Variants in PRKN observed in about 807,000 individuals in gnomAD.
PRKN encodes the protein E3 ubiquitin-protein ligase parkin.
A neutral mutation model predicts 59.5 loss-of-function variants in PRKN; 56 were observed. The ratio of observed to expected loss-of-function variants is 0.94; its 90% confidence interval spans 0.76 to 1.18. The LOEUF (loss-of-function observed/expected upper bound fraction) is 1.18. PRKN is among the 50% of genes most tolerant of loss of function. The pLI, the probability that PRKN is intolerant of heterozygous loss-of-function variation, is 0.00. For synonymous variants in PRKN, 250 were observed against 222.1 expected (o/e 1.13, Z -1.12); for missense variants, 657 against 596.4 (o/e 1.10, Z -1.06).
At chr6:161,749,254 T>C (rs1329950606) in intron 7 of PRKN, among the ~76,000 whole-genome samples, 3 of 152,236 alleles carry the variant, frequency 2.0e-5, no homozygotes, top group African/African-American at 7.2e-5. Context: ...AGAAGCTGTG[T>C]CACATCTATC....
chr6:162,379,385 C>T (rs1786305206), intron 2 of PRKN, among the ~76,000 whole-genome samples: 1 of 152,126 alleles, frequency 6.6e-6, no homozygotes, highest in Non-Finnish European at 1.5e-5. Context: ...TTGTATTCAG[C>T]AGTTACATTT....
At chr6:161,690,857 G>T (rs539439149) in intron 7 of PRKN, among the ~76,000 whole-genome samples, 1 of 152,300 alleles carries the variant, frequency 6.6e-6, no homozygotes, top group East Asian at 1.9e-4. Context: ...CCAGCTTGCA[G>T]ATGGCAGATT....
chr6:161,971,041 G>A (rs927181450), intron 6 of PRKN, among the ~76,000 whole-genome samples: 22 of 152,234 alleles, frequency 1.4e-4, no homozygotes, highest in African/African-American at 3.1e-4. Context: ...TGCCTTACAC[G>A]AGAAGGGACC....
At chr6:162,308,907 A>G (rs1182791989) in intron 2 of PRKN, among the ~76,000 whole-genome samples, 1 of 152,092 alleles carries the variant, frequency 6.6e-6, no homozygotes, top group Non-Finnish European at 1.5e-5. Context: ...TTCCTAGCAT[A>G]GTTATTCAAC....
At position 161,545,574 on chromosome 6, in the gene PRKN, G is replaced by T; in HGVS notation, c.1083+3280C>A. 1 of 678,952 alleles carries T rather than the reference G, an allele frequency of 1.5e-6. No homozygotes were observed. The highest frequency in any genetic ancestry group is 2.7e-6 in the Non-Finnish European group (1 of 375,600). 42.1% of individuals were successfully genotyped at this position (678,952 alleles called of 1,614,324 possible). A position where few individuals can be genotyped will look rare whatever the true frequency, so the allele number is the denominator to read the frequency against. On this transcript the variant is annotated intron_variant, in intron 9 of 11. Transcript: ENST00000366898. The surrounding 1 kb of genome is among the most constrained non-coding windows in gnomAD (Gnocchi z 4.1). ...CTTTCCATTACACTCCTTAAACCCA[G>T]AAAAGATGGGCAGCTTACAAGGTTA...
At position 162,021,000 on chromosome 6, in the gene PRKN, G is replaced by T. The variant is rs1244677332; in HGVS notation, c.618+33091C>A. On this transcript the variant is annotated intron_variant, in intron 5 of 11. Transcript: ENST00000366898. Reference sequence around the variant, plus strand: ...CACCTGTAATCCCAGCTACTCAGGAGGCTGAGGCAGGAGAATTGCTTGAAT... The same window carrying T: ...CACCTGTAATCCCAGCTACTCAGGATGCTGAGGCAGGAGAATTGCTTGAAT... Among the ~76,000 whole-genome samples, 6 of 150,632 alleles carry T rather than the reference G, an allele frequency of 4.0e-5. No homozygotes were observed. The East Asian group carries it at 1.2e-3, about 30-fold the overall frequency.
Position 162,179,906 on chromosome 6 carries a change from A to ATT in PRKN, c.534+21223_534+21224dup, listed in dbSNP as rs66783107. 7.2e-4 allele frequency among the ~76,000 whole-genome samples: 107 copies of ATT among 147,766 alleles called. No individual in the cohort carries two copies. In the East Asian group the frequency reaches 0.014, roughly 20 times the overall value. On this transcript the variant is annotated intron_variant, in intron 4 of 11. Coordinates refer to ENST00000366898, the MANE Select transcript of PRKN (RefSeq NM_004562.3). Reference sequence around the variant, plus strand: ...TATTTAGTGTTTGCCTCCTCTTCCCATTTTTTTTTCCTTTGACAGAAAAAT... The same window carrying ATT: ...TATTTAGTGTTTGCCTCCTCTTCCCATTTTTTTTTTTCCTTTGACAGAAAAAT...
At chr6:161,392,814 T>A (rs182936138) in intron 9 of PRKN, among the ~76,000 whole-genome samples, 3 of 152,022 alleles carry the variant, frequency 2.0e-5, no homozygotes, top group African/African-American at 7.2e-5. Context: ...AATAAGCCAA[T>A]TTTTTTCTAT....
intron 1 of PRKN, among the ~76,000 whole-genome samples, chr6:162,514,323 T>C (rs986359594): frequency 2.6e-5 from 4 of 152,036 alleles, no homozygotes; most frequent in African/African-American, 4.8e-5. Context: ...CTAAGCTTAA[T>C]GCTACCAATT....
intron 7 of PRKN, among the ~76,000 whole-genome samples, chr6:161,753,976 A>G (rs1161380675): frequency 1.3e-5 from 2 of 152,194 alleles, no homozygotes; most frequent in Non-Finnish European, 2.9e-5. Context: ...TCCAGCAGCC[A>G]GAGAAGAGGA....
intron 5 of PRKN, among the ~76,000 whole-genome samples, chr6:162,011,959 G>T (rs1440425676): frequency 5.3e-5 from 8 of 152,022 alleles, no homozygotes; most frequent in Non-Finnish European, 1.5e-5. Context: ...TATTTAGATA[G>T]CTAGCTAGCT....
intron 1 of PRKN, among the ~76,000 whole-genome samples, chr6:162,679,354 T>G (rs1034437689): frequency 3.9e-5 from 6 of 152,104 alleles, no homozygotes; most frequent in African/African-American, 1.4e-4. Flanking sequence ...TCCGCCCACC[T>G]CGGCCTCCCA....
intron 7 of PRKN, among the ~76,000 whole-genome samples, chr6:161,708,662 G>C (rs1461309764): frequency 6.6e-6 from 1 of 152,096 alleles, no homozygotes; most frequent in African/African-American, 2.4e-5. Flanking sequence ...TCTATGTTCT[G>C]CATTTTATGC....
intron 4 of PRKN, among the ~76,000 whole-genome samples, chr6:162,141,663 A>G (rs945866552): frequency 1.3e-5 from 2 of 152,232 alleles, no homozygotes; most frequent in African/African-American, 4.8e-5. Flanking sequence ...AAACTTAAAA[A>G]GCATCCAGTT....
In PRKN at chr6:161,459,454, C is replaced by T. The variant is rs558361517; in HGVS notation, c.1084-72577G>A. On this transcript the variant is annotated intron_variant, in intron 9 of 11. Coordinates refer to ENST00000366898, the MANE Select transcript of PRKN (RefSeq NM_004562.3). This position sits in a 1 kb window ranked among gnomAD's most constrained non-coding sequence, Gnocchi z 4.8. Reference sequence around the variant, plus strand: ...TCAGAGGCCTGTTTACAAATGGAGCCACCATTTCTTAGTGTGGAGTGCAGG... The same window carrying T: ...TCAGAGGCCTGTTTACAAATGGAGCTACCATTTCTTAGTGTGGAGTGCAGG... 2.3e-4 allele frequency among the ~76,000 whole-genome samples: 35 copies of T among 152,254 alleles called. No individual in the cohort carries two copies. The highest frequency in any genetic ancestry group is 1.4e-3 in the Admixed American group (21 of 15,294).
chr6:162,043,812 T>C (rs2128282677), intron 5 of PRKN, among the ~76,000 whole-genome samples: 1 of 152,322 alleles, frequency 6.6e-6, no homozygotes. Flanking sequence ...TCATACTGGA[T>C]CATCCATTTC....
chr6:161,449,176 C>T (rs1407281668), intron 9 of PRKN, among the ~76,000 whole-genome samples: 1 of 152,158 alleles, frequency 6.6e-6, no homozygotes, highest in Non-Finnish European at 1.5e-5. Context: ...AATTTGTATG[C>T]TCAGTCAATT....
At chr6:162,180,511 C>T (rs148680262) in intron 4 of PRKN, among the ~76,000 whole-genome samples, 19 of 152,254 alleles carry the variant, frequency 1.2e-4, no homozygotes, top group African/African-American at 4.6e-4. Context: ...TCTCTTCAAA[C>T]ATATACCAAG....
At chr6:162,194,396 T>C (rs1015943139) in intron 4 of PRKN, among the ~76,000 whole-genome samples, 2 of 152,304 alleles carry the variant, frequency 1.3e-5, no homozygotes, top group African/African-American at 4.8e-5. Flanking sequence ...GAAAATTCAA[T>C]GGTATCCATA....
Sources: allele counts gnomAD v4.1 joint callset (sites outside exome capture counted in the v4.1 genomes callset), GRCh38; gene constraint gnomAD v4.1.1; non-coding constraint Gnocchi (gnomAD v3.1); transcripts MANE v1.5; gene names NCBI Gene and HGNC (gene_info 2026-07-23, HGNC 2026-07-21).